The following NIPBL variants were observed in gnomAD, a reference collection of about 807,000 sequenced individuals.
NIPBL encodes nipped-B-like protein.
A neutral mutation model predicts 321.8 loss-of-function variants in NIPBL; 19 were observed. The observed-to-expected ratio is 0.06, with a 90% CI of 0.04 to 0.09. NIPBL has a LOEUF of 0.09. Among genes scored for constraint, NIPBL ranks in the 10% least tolerant of loss-of-function variants. The probability of loss-of-function intolerance (pLI) is 1.00; values close to 1 mark genes in which losing one functional copy is unlikely to be tolerated. For synonymous variants in NIPBL, 1,106 were observed against 1,114.1 expected, an observed-to-expected ratio of 0.99 and a Z score of 0.14; for missense variants, 2,210 against 3,327.0, an observed-to-expected ratio of 0.66 and a Z score of 8.26.
At chr5:37,037,422 TATATGTATATATAGATAC>T (rs1751830240) in intron 33 of NIPBL, among the ~76,000 whole-genome samples, 1 of 147,522 alleles carries the variant, frequency 6.8e-6, no homozygotes, top group Non-Finnish European at 1.5e-5. Context: ...TATATATATA[TATATGTATATATAGATAC>T]ATAGATAGAT....
chr5:36,986,666 A>G (rs1453312012), intron 10 of NIPBL, among the ~76,000 whole-genome samples: 4 of 152,194 alleles, frequency 2.6e-5, no homozygotes, highest in East Asian at 1.9e-4. Context: ...ATGTCTTACA[A>G]TACTACATTC....
chr5:36,976,747 A>T (rs1347972444), intron 9 of NIPBL, among the ~76,000 whole-genome samples: 1 of 152,102 alleles, frequency 6.6e-6, no homozygotes, highest in Non-Finnish European at 1.5e-5. Flanking sequence ...GTGCACCTTC[A>T]AATTTTTTTC....
intron 1 of NIPBL, among the ~76,000 whole-genome samples, chr5:36,886,848 A>G (rs1745946648): frequency 6.6e-6 from 1 of 151,840 alleles, no homozygotes. Context: ...TCTAGAACAT[A>G]AAAATGGAAT....
intron 1 of NIPBL, among the ~76,000 whole-genome samples, chr5:36,894,744 CT>C (rs1365201562): frequency 6.6e-6 from 1 of 152,124 alleles, no homozygotes; most frequent in Non-Finnish European, 1.5e-5. Flanking sequence ...TTCACTTGAT[CT>C]TTTCTAGCAG....
chr5:37,025,823 G>A (rs1250428095), intron 30 of NIPBL, among the ~76,000 whole-genome samples: 3 of 151,924 alleles, frequency 2.0e-5, no homozygotes, highest in Non-Finnish European at 4.4e-5. Context: ...AAAATTTTAA[G>A]TTTAGTCCTA....
chr5:36,994,479 T>G (rs1268722044), intron 10 of NIPBL, among the ~76,000 whole-genome samples: 1 of 152,172 alleles, frequency 6.6e-6, no homozygotes, highest in Non-Finnish European at 1.5e-5. Context: ...AGCTATTTAC[T>G]TTTCTGTCAT....
At chr5:36,987,965 A>G (rs553879405) in intron 10 of NIPBL, among the ~76,000 whole-genome samples, 1 of 152,268 alleles carries the variant, frequency 6.6e-6, no homozygotes, top group Non-Finnish European at 1.5e-5. Flanking sequence ...ACTAAAGAGT[A>G]TGGCTATACA....
chr5:36,963,281 A>G (rs1021248814), intron 6 of NIPBL, among the ~76,000 whole-genome samples: 2 of 152,154 alleles, frequency 1.3e-5, no homozygotes, highest in Non-Finnish European at 2.9e-5. Context: ...TTAACAGCAA[A>G]TTTTAAAAAC....
intron 27 of NIPBL, among the ~76,000 whole-genome samples, chr5:37,021,232 GA>G (rs1749600616): frequency 6.6e-6 from 1 of 152,166 alleles, no homozygotes; most frequent in Non-Finnish European, 1.5e-5. Context: ...CTGGGAGGTG[GA>G]AGTTGCAGTG....
At chr5:37,017,970 A>G (rs1345435007) in intron 24 of NIPBL, among the ~76,000 whole-genome samples, 1 of 152,070 alleles carries the variant, frequency 6.6e-6, no homozygotes, top group African/African-American at 2.4e-5. Context: ...GTTTCGAACC[A>G]CTTGAAGTTA....
chr5:36,898,452 C>T (rs1746943415), intron 1 of NIPBL, among the ~76,000 whole-genome samples: 1 of 151,452 alleles, frequency 6.6e-6, no homozygotes, highest in East Asian at 1.9e-4. Context: ...ATAATTTGCC[C>T]AAGCTTACAC....
Position 36,877,115 on chromosome 5 carries a change from G to A in NIPBL, c.-143G>A, listed in dbSNP as rs1256826776. 5.9e-6 allele frequency: 2 copies of A among 340,748 alleles called. No individual in the cohort carries two copies. The highest frequency in any genetic ancestry group is 2.2e-5 in the African/African-American group (1 of 45,974). The allele number at this position is 340,748 out of a possible 1,614,324, so 21.1% of individuals were successfully genotyped here. A position where few individuals can be genotyped will look rare whatever the true frequency, so the allele number is the denominator to read the frequency against. Reference sequence around the variant, plus strand: ...CCGTAGCCACCCCCCCTCCCGGCCCGGATTATAGTCTCTCGCCACAGCGGC... The same window carrying A: ...CCGTAGCCACCCCCCCTCCCGGCCCAGATTATAGTCTCTCGCCACAGCGGC... On this transcript the variant is annotated 5_prime_UTR_variant, in exon 1 of 47. Transcript: ENST00000282516.
chr5:36,920,389 T>C (rs1010989068), intron 1 of NIPBL, among the ~76,000 whole-genome samples: 2 of 152,240 alleles, frequency 1.3e-5, no homozygotes, highest in African/African-American at 4.8e-5. Context: ...AGACCTTGAA[T>C]GAATAATGAG....
At chr5:36,918,192 T>G (rs1463512093) in intron 1 of NIPBL, among the ~76,000 whole-genome samples, 1 of 152,192 alleles carries the variant, frequency 6.6e-6, no homozygotes, top group African/African-American at 2.4e-5. Flanking sequence ...TATCCTCTTT[T>G]ATTTCGTTGA....
At chr5:36,930,213 A>G (rs527821285) in intron 1 of NIPBL, among the ~76,000 whole-genome samples, 23 of 152,120 alleles carry the variant, frequency 1.5e-4, no homozygotes, top group African/African-American at 3.9e-4. Flanking sequence ...TGAGCATGGA[A>G]TGTTTTAGAT....
At chr5:36,883,087 AAAT>A (rs1745627025) in intron 1 of NIPBL, among the ~76,000 whole-genome samples, 1 of 151,964 alleles carries the variant, frequency 6.6e-6, no homozygotes. Context: ...AATTTTAAAA[AAAT>A]GATCAGTCAT....
chr5:37,033,705 C>CACACACACAT (rs1415570935), intron 32 of NIPBL, among the ~76,000 whole-genome samples: 1 of 80,242 alleles, frequency 1.2e-5, no homozygotes, highest in African/African-American at 4.8e-5. Context: ...CACACACACA[C>CACACACACAT]ATATATATAT....
chr5:36,908,405 C>T (rs898538405), intron 1 of NIPBL, among the ~76,000 whole-genome samples: 2 of 140,718 alleles, frequency 1.4e-5, no homozygotes, highest in African/African-American at 5.5e-5. Flanking sequence ...CCTCTTTAGA[C>T]AAATTCCTAT....
intron 1 of NIPBL, among the ~76,000 whole-genome samples, chr5:36,917,785 T>C (rs1206038145): frequency 6.6e-6 from 1 of 151,994 alleles, no homozygotes; most frequent in Non-Finnish European, 1.5e-5. Flanking sequence ...TAGGGAATCC[T>C]TTCCCCATTT....
Sources: gnomAD v4.1 joint callset for allele counts (sites outside exome capture counted in the v4.1 genomes callset) on GRCh38, gnomAD v4.1.1 for gene constraint, MANE v1.5 for transcripts, NCBI Gene and HGNC (gene_info 2026-07-23, HGNC 2026-07-21) for gene names.